The following TTBK1 variants were observed in gnomAD, a reference collection of about 807,000 sequenced individuals.
TTBK1 encodes the protein tau tubulin kinase 1.
Under a neutral mutation model 108.5 loss-of-function variants are expected in TTBK1, and 34 were observed. The observed-to-expected ratio is 0.31, with a 90% CI of 0.24 to 0.42. TTBK1 has a LOEUF of 0.42. Among genes scored for constraint, TTBK1 ranks in the 10% least tolerant of loss-of-function variants. TTBK1 has a pLI of 1.00. For missense variants in TTBK1, 1,539 were observed against 1,826.0 expected, an observed-to-expected ratio of 0.84 and a Z score of 2.86; for synonymous variants, 809 against 795.1, an observed-to-expected ratio of 1.02 and a Z score of -0.29.
In TTBK1 at chr6:43,253,019, C is replaced by A; in HGVS notation, c.256+133C>A. On this transcript the variant is annotated intron_variant, in intron 3 of 14. Coordinates refer to ENST00000259750, the MANE Select transcript of TTBK1 (RefSeq NM_032538.3). This position sits in a 1 kb window ranked among gnomAD's most constrained non-coding sequence, Gnocchi z 5.8. ...AGGGAAAAGGGGATGGAGCCAGGAG[C>A]TAAGGGGGAGGTGACGGAGCCAGAG... is the stretch of plus-strand genomic sequence containing the variant. The A allele has an allele frequency of 1.7e-6, 2 of 1,187,778 alleles. No individual in the cohort carries two copies. The highest frequency in any genetic ancestry group is 2.4e-6 in the Non-Finnish European group (2 of 839,922). 73.6% of individuals were successfully genotyped at this position (1,187,778 alleles called of 1,614,324 possible). A position where few individuals can be genotyped will look rare whatever the true frequency, so the allele number is the denominator to read the frequency against.
At position 43,253,825 on chromosome 6, in the gene TTBK1, C is replaced by T; in HGVS notation, c.471+117C>T. On this transcript the variant is annotated intron_variant, in intron 5 of 14. Coordinates refer to ENST00000259750, the MANE Select transcript of TTBK1 (RefSeq NM_032538.3). This position sits in a 1 kb window ranked among gnomAD's most constrained non-coding sequence, Gnocchi z 5.8. The stretch of plus-strand genomic sequence containing the variant: ...ATGGTTGGGACTTGTGATGGGACAG[C>T]CTCTTCTCCCCAAGCCCCTCCTGCT... The T allele has an allele frequency of 7.5e-7, 1 of 1,325,450 alleles. No individual in the cohort carries two copies. Among genetic ancestry groups the T allele is most frequent in the African/African-American group, 1.5e-5 (1 of 67,920 alleles). The allele number at this position is 1,325,450 out of a possible 1,614,324, so 82.1% of individuals were successfully genotyped here.
chr6:43,269,978 G>A lies in TTBK1; in HGVS notation c.1986+6628G>A. ...CTGGGCCCCCCCCCTCCTGGAGGGG[G>A]CAGGTGGGGGGGGGTGGGGAGCAGG... On this transcript the variant is annotated intron_variant, in intron 13 of 14. Coordinates refer to ENST00000259750, the MANE Select transcript of TTBK1 (RefSeq NM_032538.3). The surrounding 1 kb of genome is among the most constrained non-coding windows in gnomAD (Gnocchi z 4.8). 7.0e-7 allele frequency: 1 copy of A among 1,432,006 alleles called. No homozygotes were observed. The highest frequency in any genetic ancestry group is 9.1e-7 in the Non-Finnish European group (1 of 1,097,690). The allele number at this position is 1,432,006 out of a possible 1,614,324, so 88.7% of individuals were successfully genotyped here. A position where few individuals can be genotyped will look rare whatever the true frequency, so the allele number is the denominator to read the frequency against.
intron 2 of TTBK1, among the ~76,000 whole-genome samples, chr6:43,248,736 A>C (rs911821304): frequency 1.3e-5 from 2 of 152,046 alleles, no homozygotes; most frequent in Non-Finnish European, 2.9e-5. Flanking sequence ...ATAAATAAAT[A>C]AATCCTCAAT....
At chr6:43,258,003 G>C (rs1401067654) in intron 10 of TTBK1, 37 bp downstream of exon 10, 1 of 1,598,558 alleles carries the variant, frequency 6.3e-7, no homozygotes. Context: ...GCCCCTGCCT[G>C]GAGCTGTTAC....
chr6:43,269,969 C>T lies in TTBK1; in HGVS notation c.1986+6619C>T, dbSNP rs975232497. On this transcript the variant is annotated intron_variant, in intron 13 of 14. Coordinates refer to ENST00000259750, the MANE Select transcript of TTBK1 (RefSeq NM_032538.3). The surrounding 1 kb of genome is among the most constrained non-coding windows in gnomAD (Gnocchi z 4.8). The stretch of plus-strand genomic sequence containing the variant: ...AGACCTAGGCTGGGCCCCCCCCCTC[C>T]TGGAGGGGGCAGGTGGGGGGGGGTG... The T allele has an allele frequency of 5.0e-5, 71 of 1,433,176 alleles. No homozygotes were observed. Among genetic ancestry groups the T allele is most frequent in the Non-Finnish European group, 6.0e-5 (66 of 1,097,964 alleles). The allele number at this position is 1,433,176 out of a possible 1,614,324, so 88.8% of individuals were successfully genotyped here.
rs781274929 is a variant in TTBK1, at chr6:43,259,157, C to T, written c.1136C>T (p.Ser379Phe). 4.3e-6 allele frequency: 7 copies of T among 1,613,840 alleles called. No individual in the cohort carries two copies. The highest frequency in any genetic ancestry group is 5.9e-6 in the Non-Finnish European group (7 of 1,179,794). Residue 379 changes from serine to phenylalanine, a missense_variant, in exon 11 of 15, where the codon TCT becomes TTT. Transcript: ENST00000259750. This position sits in a 1 kb window ranked among gnomAD's most constrained non-coding sequence, Gnocchi z 6.7. ...NAPPILPGRP[S>F]EGLGPSPHLV... ...CCCCCAATTCTGCCCGGGAGGCCCT[C>T]TGAGGGGCTGGGCCCCAGTCCCCAC...
At chr6:43,266,998 CGTGTGTGTGTGTGTGTGTGTGTGT>C (rs3997628) in intron 13 of TTBK1, among the ~76,000 whole-genome samples, 66 of 128,204 alleles carry the variant, frequency 5.1e-4, no homozygotes, top group African/African-American at 1.7e-3. Context: ...CTGGAGCATG[CGTGTGTGTGTGTGTGTGTGTGTGT>C]GTGTGTGTGT....
chr6:43,285,397 G>A lies in TTBK1; in HGVS notation c.*21G>A. Reference sequence around the variant, plus strand: ...GATAATGACGCCCGCTGCTCTCCGCGGTCCCCCACCCTCACCCCGGCCCCC... The same window carrying A: ...GATAATGACGCCCGCTGCTCTCCGCAGTCCCCCACCCTCACCCCGGCCCCC... On this transcript the variant is annotated 3_prime_UTR_variant, in exon 15 of 15. Coordinates refer to ENST00000259750, the MANE Select transcript of TTBK1 (RefSeq NM_032538.3). This position sits in a 1 kb window ranked among gnomAD's most constrained non-coding sequence, Gnocchi z 4.7. 1 of 1,268,064 alleles carries A rather than the reference G, an allele frequency of 7.9e-7. No homozygotes were observed. Among genetic ancestry groups the A allele is most frequent in the South Asian group, 3.1e-5 (1 of 32,078 alleles). 78.6% of individuals were successfully genotyped at this position (1,268,064 alleles called of 1,614,324 possible).
At position 43,246,630 on chromosome 6, in the gene TTBK1, C is replaced by G. The variant is rs773560037; in HGVS notation, c.-31C>G. The G allele has an allele frequency of 7.0e-6, 11 of 1,565,190 alleles. No homozygotes were observed. The highest frequency in any genetic ancestry group is 1.4e-5 in the African/African-American group (1 of 73,978). The stretch of plus-strand genomic sequence containing the variant: ...AGGTAGATGGCCCCCTCAGGGCAGG[C>G]CCGGCGGACACCCCTCCCTCTGGCT... On this transcript the variant is annotated 5_prime_UTR_variant, in exon 2 of 15. Coordinates refer to ENST00000259750, the MANE Select transcript of TTBK1 (RefSeq NM_032538.3).
At chr6:43,277,252 T>A (rs930427552) in intron 13 of TTBK1, among the ~76,000 whole-genome samples, 5 of 151,896 alleles carry the variant, frequency 3.3e-5, no homozygotes, top group African/African-American at 1.2e-4. Flanking sequence ...GGAGGGACAC[T>A]GGAGCATGGA....
At position 43,284,160 on chromosome 6, in the gene TTBK1, G is replaced by A. The variant is rs769235145; in HGVS notation, c.3420G>A (p.Ala1140=). The change falls in exon 14 of 15, where the codon GCG becomes GCA. Residue 1140 remains alanine (A), a synonymous_variant. Transcript: ENST00000259750. ...ACACGCCCGCCTCTGAGCCGGCAGC[G>A]GCCTTGCCCAGGAAGAGCGGGAGGG... The part of the protein sequence containing the change: ...EEDTPASEPA[A]ALPRKSGRAA... The A allele has an allele frequency of 3.5e-5, 54 of 1,553,014 alleles. No individual in the cohort carries two copies. Among genetic ancestry groups the A allele is most frequent in the Middle Eastern group, 2.0e-4 (1 of 5,126 alleles).
At position 43,273,180 on chromosome 6, in the gene TTBK1, C is replaced by T. The variant is rs1777879948; in HGVS notation, c.1987-9547C>T. On this transcript the variant is annotated intron_variant, in intron 13 of 14. Coordinates refer to ENST00000259750, the MANE Select transcript of TTBK1 (RefSeq NM_032538.3). The surrounding 1 kb of genome is among the most constrained non-coding windows in gnomAD (Gnocchi z 4.2). Reference sequence around the variant, plus strand: ...TTTACCAGAACATATAAAAAACCCACCCATGCCGAATAATCTGAGGTCTTG... The same window carrying T: ...TTTACCAGAACATATAAAAAACCCATCCATGCCGAATAATCTGAGGTCTTG... Among the ~76,000 whole-genome samples the T allele has an allele frequency of 6.6e-6, 1 of 152,176 alleles. No homozygotes were observed. Among genetic ancestry groups the T allele is most frequent in the African/African-American group, 2.4e-5 (1 of 41,446 alleles).
chr6:43,262,088 G>A (rs1327086833), intron 12 of TTBK1, among the ~76,000 whole-genome samples: 1 of 152,160 alleles, frequency 6.6e-6, no homozygotes, highest in East Asian at 1.9e-4. Context: ...TGTGGGGAGA[G>A]GTCCTGTGGG....
Position 43,253,223 on chromosome 6 carries a change from A to G in TTBK1, c.257-68A>G. ...ACCAGGAATCAAGAGTGCACTAGGA[A>G]CCCATCTTAGGGTTGGAAATGAGGA... is the stretch of plus-strand genomic sequence containing the variant. On this transcript the variant is annotated intron_variant, in intron 3 of 14. Coordinates refer to ENST00000259750, the MANE Select transcript of TTBK1 (RefSeq NM_032538.3). This position sits in a 1 kb window ranked among gnomAD's most constrained non-coding sequence, Gnocchi z 5.8. 1 of 1,554,516 alleles carries G rather than the reference A, an allele frequency of 6.4e-7. No homozygotes were observed. The highest frequency in any genetic ancestry group is 8.9e-7 in the Non-Finnish European group (1 of 1,126,176).
rs201649796 is a variant in TTBK1, at chr6:43,263,263, C to T, written c.1899C>T (p.Pro633=). ...GCCGTTCCGAGACGTCACAGCCCCC[C>T]ACGCCTGGCAGCCCTTCCCACTCAC... The part of the protein sequence containing the change: ...GDGRSETSQP[P]TPGSPSHSPL... Residue 633 remains proline, a synonymous_variant, in exon 13 of 15, where the codon CCC becomes CCT. Transcript: ENST00000259750. This position sits in a 1 kb window ranked among gnomAD's most constrained non-coding sequence, Gnocchi z 4.7. 6.4e-5 allele frequency: 99 copies of T among 1,540,612 alleles called. No homozygotes were observed. The highest frequency in any genetic ancestry group is 3.4e-4 in the Middle Eastern group (2 of 5,894).
chr6:43,283,945 C>G lies in TTBK1; in HGVS notation c.3205C>G (p.Pro1069Ala). 1 of 1,612,754 alleles carries G rather than the reference C, an allele frequency of 6.2e-7. No homozygotes were observed. Among genetic ancestry groups the G allele is most frequent in the Non-Finnish European group, 8.5e-7 (1 of 1,179,352 alleles). Reference protein sequence around the residue: ...LLSEEDTGSEPSGSLSAKERW... With the variant: ...LLSEEDTGSEASGSLSAKERW... ...CTCTGAGGAGGACACGGGCTCGGAG[C>G]CCTCAGGCTCACTGTCGGCCAAAGA... The change falls in exon 14 of 15, where the codon CCC becomes GCC. Residue 1069 changes from proline (P) to alanine (A), a missense_variant. By Grantham distance (27) the Pro-to-Ala change is conservative. Transcript: ENST00000259750. This position sits in a 1 kb window ranked among gnomAD's most constrained non-coding sequence, Gnocchi z 8.1.
At chr6:43,281,541 G>A (rs1778162243) in intron 13 of TTBK1, among the ~76,000 whole-genome samples, 1 of 152,158 alleles carries the variant, frequency 6.6e-6, no homozygotes, top group Non-Finnish European at 1.5e-5. Context: ...GCCGGTGGCT[G>A]GGGAACCACC....
intron 13 of TTBK1, chr6:43,270,179 A>C: frequency 4.5e-6 from 6 of 1,346,184 alleles, no homozygotes; most frequent in East Asian, 3.1e-5. Flanking sequence ...TGCCAGCCAA[A>C]TGGTGCAGGG....
chr6:43,283,675 C>T lies in TTBK1; in HGVS notation c.2935C>T (p.Leu979=). The T allele has an allele frequency of 1.2e-6, 2 of 1,613,960 alleles. No homozygotes were observed. The highest frequency in any genetic ancestry group is 1.7e-6 in the Non-Finnish European group (2 of 1,179,970). The change falls in exon 14 of 15, where the codon CTG becomes TTG. Residue 979 remains leucine, a synonymous_variant. Coordinates refer to ENST00000259750, the MANE Select transcript of TTBK1 (RefSeq NM_032538.3). The surrounding 1 kb of genome is among the most constrained non-coding windows in gnomAD (Gnocchi z 8.1). Reference sequence around the variant, plus strand: ...TGTGGAGGAGGGGGCCCGAGCGCCCCTGGAGAACGGCCTCGCCCTGTCAGG... The same window carrying T: ...TGTGGAGGAGGGGGCCCGAGCGCCCTTGGAGAACGGCCTCGCCCTGTCAGG... ...GAVEEGARAP[L]ENGLALSGLN...
Sources: gnomAD v4.1 joint callset for allele counts (sites outside exome capture counted in the v4.1 genomes callset) on GRCh38, gnomAD v4.1.1 for gene constraint, Gnocchi (gnomAD v3.1) non-coding constraint, MANE v1.5 for transcripts, NCBI Gene and HGNC (gene_info 2026-07-23, HGNC 2026-07-21) for gene names.